PIN4: variants seen among roughly 807,000 people sequenced by gnomAD.
The protein encoded by PIN4 is peptidyl-prolyl cis-trans isomerase NIMA-interacting 4.
A neutral mutation model predicts 8.3 loss-of-function variants in PIN4; 3 were observed. The observed-to-expected ratio is 0.36, with a 90% CI of 0.16 to 0.93. The LOEUF (loss-of-function observed/expected upper bound fraction) is 0.93. Ranked by LOEUF, PIN4 falls within the 40% of genes least tolerant of loss-of-function variation. PIN4 has a pLI of 0.44. For missense variants in PIN4, 75 were observed against 100.6 expected (o/e 0.75, Z 1.09); for synonymous variants, 18 against 32.5 (o/e 0.55, Z 1.52).
chrX:72,259,677 G>A (rs1044030528), intron 3 of PIN4, among the ~76,000 whole-genome samples: 11 of 93,935 alleles, frequency 1.2e-4, no homozygotes, highest in African/African-American at 3.9e-4. Context: ...GCTAGTGAAT[G>A]TTGGTGGGGG....
At chrX:72,251,288 G>A (rs1338875252) in intron 3 of PIN4, among the ~76,000 whole-genome samples, 2 of 102,247 alleles carry the variant, frequency 2.0e-5, no homozygotes, top group Non-Finnish European at 3.9e-5. Flanking sequence ...GCCTGAACTC[G>A]GGAGGTGGAG....
At position 72,206,790 on chromosome X, in the gene PIN4, A is replaced by G. The variant is rs1257437846; in HGVS notation, c.312+9886A>G. On this transcript the variant is annotated intron_variant, in intron 3 of 3. Transcript: ENST00000423432. ...TCCCCAAAGACTGCAGGTAGGCAAT[A>G]TGTTCATCTAGTTTTATATCAGATT... 7 of 1,210,644 alleles carry G rather than the reference A, an allele frequency of 5.8e-6. No individual in the cohort carries two copies. In the Admixed American group the frequency reaches 1.1e-4, roughly 19 times the overall value.
intron 1 of PIN4, 148 bp downstream of exon 1, chrX:72,181,976 T>C (rs2042675516): frequency 1.0e-5 from 5 of 492,049 alleles, no homozygotes; most frequent in East Asian, 7.3e-5. Context: ...TAGGAATACA[T>C]TGGGCTACGG....
chrX:72,237,603 G>GAA (rs60931189), intron 3 of PIN4, among the ~76,000 whole-genome samples: 14 of 91,014 alleles, frequency 1.5e-4, no homozygotes, highest in South Asian at 1.1e-3. Flanking sequence ...ATCAAAAAAA[G>GAA]AAAAAAAAAA....
intron 2 of PIN4, among the ~76,000 whole-genome samples, chrX:72,192,008 G>T (rs767029422): frequency 7.2e-5 from 8 of 110,632 alleles, no homozygotes; most frequent in Non-Finnish European, 1.3e-4. Flanking sequence ...CTGGAGTGCA[G>T]TGGCGCGATC....
intron 3 of PIN4, among the ~76,000 whole-genome samples, chrX:72,209,369 T>C (rs763714535): frequency 2.7e-5 from 3 of 112,101 alleles, no homozygotes; most frequent in East Asian, 5.6e-4. Context: ...ACATCTCCAC[T>C]TGAAATCAAA....
downstream of PIN4, among the ~76,000 whole-genome samples, chrX:72,199,264 G>A (rs1290822029): frequency 8.9e-6 from 1 of 111,923 alleles, no homozygotes; most frequent in African/African-American, 3.3e-5. Flanking sequence ...GCTGGGCACG[G>A]TGGCTCATGC....
chrX:72,229,603 T>G (rs1255551365), intron 3 of PIN4, among the ~76,000 whole-genome samples: 1 of 111,678 alleles, frequency 9.0e-6, no homozygotes, highest in Non-Finnish European at 1.9e-5. Flanking sequence ...CTGTTCTTTT[T>G]GTGTGGCACC....
chrX:72,236,884 CTT>C (rs1877553669), intron 3 of PIN4, among the ~76,000 whole-genome samples: 1 of 112,331 alleles, frequency 8.9e-6, no homozygotes, highest in Admixed American at 9.5e-5. Flanking sequence ...GCACACACAT[CTT>C]TGCTCACTCA....
chrX:72,217,793 G>A (rs2042894689), intron 3 of PIN4, among the ~76,000 whole-genome samples: 1 of 111,289 alleles, frequency 9.0e-6, no homozygotes, highest in Admixed American at 9.5e-5. Context: ...GCAAGTGCCT[G>A]AAATATGGGC....
intron 3 of PIN4, among the ~76,000 whole-genome samples, chrX:72,233,414 G>C (rs2042996946): frequency 9.0e-6 from 1 of 111,517 alleles, no homozygotes; most frequent in Admixed American, 9.6e-5. Flanking sequence ...ACCTTCTTTG[G>C]ATCCTGATAA....
chrX:72,218,185 G>A (rs1263634245), intron 3 of PIN4, among the ~76,000 whole-genome samples: 2 of 108,295 alleles, frequency 1.8e-5, no homozygotes, highest in Non-Finnish European at 1.9e-5. Context: ...CAGGAGAATG[G>A]TGGGAACCTG....
chrX:72,197,715 G>A lies in PIN4; in HGVS notation c.*189G>A. ...TAAGAGAGGGTGGGGCTAAGTGAAT[G>A]TCAACTGTAGTAGGTATTCAGTCAG... On this transcript the variant is annotated 3_prime_UTR_variant, in exon 4 of 4. Transcript: ENST00000373669. The A allele has an allele frequency of 1.0e-6, 1 of 995,216 alleles. No homozygotes were observed. The highest frequency in any genetic ancestry group is 1.9e-5 in the African/African-American group (1 of 51,861). The allele number at this position is 995,216 out of a possible 1,213,427, so 82.0% of individuals were successfully genotyped here.
intron 3 of PIN4, chrX:72,239,040 G>A (rs1207115088): frequency 4.5e-6 from 3 of 664,742 alleles, no homozygotes; most frequent in African/African-American, 4.3e-5. Context: ...TCTGTGCGCC[G>A]TGGAGAGGGA....
chrX:72,193,480 T>A (rs1335462906), intron 2 of PIN4, among the ~76,000 whole-genome samples: 1 of 110,903 alleles, frequency 9.0e-6, no homozygotes, highest in African/African-American at 3.3e-5. Context: ...ATATTGATGA[T>A]CCTGACCCTG....
intron 3 of PIN4, among the ~76,000 whole-genome samples, chrX:72,258,490 C>G (rs1489330730): frequency 8.9e-6 from 1 of 111,826 alleles, no homozygotes; most frequent in African/African-American, 3.2e-5. Flanking sequence ...TCTTTGCATT[C>G]TGGCCTGAAT....
At chrX:72,206,962 T>C in intron 3 of PIN4, 1 of 1,210,562 alleles carries the variant, frequency 8.3e-7, no homozygotes, top group Non-Finnish European at 1.1e-6. Context: ...TATTAATGAG[T>C]CCTTGAAAAC....
chrX:72,262,652 C>T (rs1247606784), intron 3 of PIN4: 4 of 825,423 alleles, frequency 4.8e-6, no homozygotes, highest in Non-Finnish European at 6.9e-6. Flanking sequence ...ACAGCATTAT[C>T]TCTAGCAATC....
intron 2 of PIN4, among the ~76,000 whole-genome samples, chrX:72,194,161 A>C (rs1470855019): frequency 9.0e-6 from 1 of 111,382 alleles, no homozygotes; most frequent in Admixed American, 9.6e-5. Flanking sequence ...GCACTTTGGG[A>C]GGTCAAGGCG....
Sources: allele counts gnomAD v4.1 joint callset (sites outside exome capture counted in the v4.1 genomes callset), GRCh38; gene constraint gnomAD v4.1.1; transcripts MANE v1.5; gene names NCBI Gene and HGNC (gene_info 2026-07-23, HGNC 2026-07-21).